TFEB: variants seen among roughly 807,000 people sequenced by gnomAD.
TFEB encodes the protein transcription factor EB.
A neutral mutation model predicts 48.0 loss-of-function variants in TFEB; 12 were observed. The observed-to-expected ratio is 0.25, with a 90% CI of 0.16 to 0.40. The LOEUF is 0.40. Ranked by LOEUF, TFEB falls within the 10% of genes least tolerant of loss-of-function variation. The probability of loss-of-function intolerance (pLI) is 1.00; values close to 1 mark genes in which losing one functional copy is unlikely to be tolerated. For missense variants in TFEB, 509 were observed against 640.3 expected (o/e 0.79, Z 2.21); for synonymous variants, 244 against 261.4 (o/e 0.93, Z 0.64).
intron 1 of TFEB, among the ~76,000 whole-genome samples, chr6:41,698,326 C>T (rs981924278): frequency 6.6e-6 from 1 of 152,134 alleles, no homozygotes; most frequent in East Asian, 1.9e-4. Context: ...AGGGTGAGGG[C>T]GGCCACGTTT....
At chr6:41,718,997 G>A (rs1267939116) in intron 1 of TFEB, among the ~76,000 whole-genome samples, 1 of 152,158 alleles carries the variant, frequency 6.6e-6, no homozygotes, top group Non-Finnish European at 1.5e-5. Context: ...GGTGAGTGGT[G>A]GGCAGGCAGG....
At chr6:41,731,281 G>T (rs1350801961) in intron 1 of TFEB, among the ~76,000 whole-genome samples, 1 of 152,038 alleles carries the variant, frequency 6.6e-6, no homozygotes, top group African/African-American at 2.4e-5. Context: ...GCAGAGCTGT[G>T]CAAGCCACAT....
chr6:41,699,575 G>C (rs1056127271), intron 1 of TFEB, among the ~76,000 whole-genome samples: 2 of 152,244 alleles, frequency 1.3e-5, no homozygotes, highest in African/African-American at 2.4e-5. Context: ...ATTCACTGCA[G>C]GAGATGAGAG....
intron 1 of TFEB, among the ~76,000 whole-genome samples, chr6:41,706,795 C>T (rs967123745): frequency 2.0e-5 from 3 of 151,822 alleles, no homozygotes; most frequent in African/African-American, 4.8e-5. Context: ...AGTGAGTGAG[C>T]TGTCCCCCAA....
At chr6:41,706,349 AG>A (rs1331407280) in intron 1 of TFEB, among the ~76,000 whole-genome samples, 1 of 152,158 alleles carries the variant, frequency 6.6e-6, no homozygotes, top group Non-Finnish European at 1.5e-5. Context: ...AGTGTCTGGC[AG>A]CTTCTGCTTT....
intron 1 of TFEB, among the ~76,000 whole-genome samples, chr6:41,702,988 C>A (rs4620117): frequency 6.6e-6 from 1 of 152,172 alleles, no homozygotes; most frequent in Admixed American, 6.5e-5. Flanking sequence ...AGGGCTGGTC[C>A]GGTGGAATCG....
At chr6:41,731,706 A>G (rs894532233) in intron 1 of TFEB, among the ~76,000 whole-genome samples, 1 of 152,172 alleles carries the variant, frequency 6.6e-6, no homozygotes. Flanking sequence ...TCCCATTCTC[A>G]CCCAATGATC....
chr6:41,717,663 T>G (rs2127259878), intron 1 of TFEB, among the ~76,000 whole-genome samples: 1 of 152,216 alleles, frequency 6.6e-6, no homozygotes, highest in South Asian at 2.1e-4. Context: ...AGACACCCTC[T>G]AATGCTGGGA....
At chr6:41,695,519 G>A (rs993702042) in intron 1 of TFEB, among the ~76,000 whole-genome samples, 1 of 152,130 alleles carries the variant, frequency 6.6e-6, no homozygotes, top group Admixed American at 6.6e-5. Flanking sequence ...ATTTTTCCTG[G>A]AGGAAACAGA....
chr6:41,686,781 G>T, intron 7 of TFEB: 1 of 412,858 alleles, frequency 2.4e-6, no homozygotes, highest in Non-Finnish European at 4.5e-6. Flanking sequence ...TTCCCACAGT[G>T]CTGGGATTAT....
intron 1 of TFEB, chr6:41,733,965 C>A: frequency 1.3e-6 from 1 of 792,722 alleles, no homozygotes; most frequent in Non-Finnish European, 1.5e-6. Context: ...GGGCCTGAGG[C>A]CACACCCCAG....
intron 1 of TFEB, among the ~76,000 whole-genome samples, chr6:41,725,615 C>G (rs1352728090): frequency 6.6e-6 from 1 of 152,204 alleles, no homozygotes; most frequent in Non-Finnish European, 1.5e-5. Context: ...TCAATATTAC[C>G]CTGATCTTTC....
rs542955889 is a variant in TFEB, at chr6:41,711,319, C to T, written c.-22-20084G>A. Among the ~76,000 whole-genome samples, 3 of 152,328 alleles carry T rather than the reference C, an allele frequency of 2.0e-5. No homozygotes were observed. The South Asian group carries it at 6.2e-4, about 32-fold the overall frequency. ...GGTTTCCTCCTCTCCCACACAGGCTCCAGGTAGAGGACACTCGGACATGGC... is the reference window on the plus strand; with the variant it reads ...GGTTTCCTCCTCTCCCACACAGGCTTCAGGTAGAGGACACTCGGACATGGC... On this transcript the variant is annotated intron_variant, in intron 1 of 8. Coordinates refer to ENST00000373033, the MANE Select transcript of TFEB (RefSeq NM_001271944.2).
At chr6:41,701,743 G>C (rs868279320) in intron 1 of TFEB, among the ~76,000 whole-genome samples, 1 of 151,974 alleles carries the variant, frequency 6.6e-6, no homozygotes, top group East Asian at 1.9e-4. Context: ...TCAGGAGTTC[G>C]AGACCAGCCT....
At chr6:41,704,731 C>T (rs112999365) in intron 1 of TFEB, among the ~76,000 whole-genome samples, 4,130 of 152,270 alleles carry the variant, frequency 0.027, 89 homozygotes, top group Non-Finnish European at 0.041. Flanking sequence ...AAATTGGTGG[C>T]GGGTGGGAGA....
At chr6:41,694,050 G>A (rs913421097) in intron 1 of TFEB, among the ~76,000 whole-genome samples, 1 of 152,080 alleles carries the variant, frequency 6.6e-6, no homozygotes, top group African/African-American at 2.4e-5. Context: ...TGGTGGGGGT[G>A]TGGGCACCGG....
rs994927359 is a variant in TFEB, at chr6:41,720,107, G to A, written c.-23+15243C>T. On this transcript the variant is annotated intron_variant, in intron 1 of 8. Transcript: ENST00000373033. The surrounding 1 kb of genome is among the most constrained non-coding windows in gnomAD (Gnocchi z 4.1). ...CTCTGGGCTCTGTGCTCAGTGGGTT[G>A]GAAGCCACCCACAGCCTCCTGAAAA... 6.6e-6 allele frequency among the ~76,000 whole-genome samples: 1 copy of A among 152,170 alleles called. No homozygotes were observed. The highest frequency in any genetic ancestry group is 2.1e-4 in the South Asian group (1 of 4,826).
At chr6:41,729,802 T>A (rs1218967495) in intron 1 of TFEB, among the ~76,000 whole-genome samples, 1 of 152,212 alleles carries the variant, frequency 6.6e-6, no homozygotes, top group South Asian at 2.1e-4. Context: ...TCCATGCCCC[T>A]GGCGACCTGC....
rs1238659115 is a variant in TFEB at position 41,730,986 on chromosome 6, A to G, written c.-23+4364T>C. ...CACGTAAAGCATTACATCAGAGAAC[A>G]TTAGACACATGGAGAGGCCTGTTTG... On this transcript the variant is annotated intron_variant, in intron 1 of 8. Coordinates refer to ENST00000373033, the MANE Select transcript of TFEB (RefSeq NM_001271944.2). The surrounding 1 kb of genome is among the most constrained non-coding windows in gnomAD (Gnocchi z 4.1). Among the ~76,000 whole-genome samples the G allele has an allele frequency of 6.6e-6, 1 of 152,200 alleles. No homozygotes were observed. The highest frequency in any genetic ancestry group is 1.5e-5 in the Non-Finnish European group (1 of 68,034).
Sources: allele counts gnomAD v4.1 joint callset (sites outside exome capture counted in the v4.1 genomes callset), GRCh38; gene constraint gnomAD v4.1.1; non-coding constraint Gnocchi (gnomAD v3.1); transcripts MANE v1.5; gene names NCBI Gene and HGNC (gene_info 2026-07-23, HGNC 2026-07-21).